SRFBP1: variants seen among roughly 807,000 people sequenced by gnomAD.
SRFBP1 encodes the protein serum response factor binding protein 1.
Under a neutral mutation model 45.5 loss-of-function variants are expected in SRFBP1, and 47 were observed. That is an observed-to-expected ratio of 1.03 (90% CI 0.82 to 1.32). SRFBP1 has a LOEUF of 1.32. Ranked by LOEUF, SRFBP1 falls within the 40% of genes most tolerant of loss-of-function variation. SRFBP1 has a pLI of 0.00. For synonymous variants in SRFBP1, 203 were observed against 166.3 expected, an observed-to-expected ratio of 1.22 and a Z score of -1.70; for missense variants, 621 against 484.6, an observed-to-expected ratio of 1.28 and a Z score of -2.64.
intron 3 of SRFBP1, among the ~76,000 whole-genome samples, chr5:121,986,214 ATTAAC>A (rs1412794796): frequency 1.3e-5 from 2 of 151,990 alleles, no homozygotes; most frequent in East Asian, 3.9e-4. Context: ...GAAAGGAAGA[ATTAAC>A]TTAACAAAAA....
intron 3 of SRFBP1, among the ~76,000 whole-genome samples, chr5:121,977,805 G>C (rs1752333320): frequency 6.6e-6 from 1 of 152,012 alleles, no homozygotes; most frequent in Admixed American, 6.6e-5. Flanking sequence ...AGAAATGAGA[G>C]TTTGCTTTTT....
intron 3 of SRFBP1, among the ~76,000 whole-genome samples, chr5:121,975,623 G>A (rs1012238889): frequency 1.3e-5 from 2 of 151,940 alleles, no homozygotes; most frequent in African/African-American, 4.8e-5. Context: ...TCAAAATTGT[G>A]CCAAACTAAA....
downstream of SRFBP1, chr5:122,077,031 G>A: frequency 1.2e-6 from 2 of 1,609,542 alleles, no homozygotes; most frequent in African/African-American, 1.3e-5. This position sits in a 1 kb window ranked among gnomAD's most constrained non-coding sequence, Gnocchi z 4.9. Context: ...GGGCGCAGCA[G>A]TGAAACAACC....
chr5:122,051,143 A>G (rs1271819060), intron 2 of SRFBP1, among the ~76,000 whole-genome samples: 1 of 151,916 alleles, frequency 6.6e-6, no homozygotes, highest in Non-Finnish European at 1.5e-5. Flanking sequence ...AGTCTTTTTT[A>G]ATTTGCTGAG....
At chr5:122,031,636 T>G (rs75992041), downstream of SRFBP1, among the ~76,000 whole-genome samples, 8,401 of 152,152 alleles carry the variant, frequency 0.055, 277 homozygotes, top group African/African-American at 0.081. Context: ...ATGTCAACCA[T>G]AATTTTCACC....
chr5:121,969,154 C>T (rs904909478), intron 1 of SRFBP1, among the ~76,000 whole-genome samples: 1 of 152,146 alleles, frequency 6.6e-6, no homozygotes, highest in Non-Finnish European at 1.5e-5. Flanking sequence ...AAAGCAAATT[C>T]ATGTTAAACC....
intron 2 of SRFBP1, among the ~76,000 whole-genome samples, chr5:122,042,938 T>C (rs978206520): frequency 6.6e-6 from 1 of 152,140 alleles, no homozygotes; most frequent in Non-Finnish European, 1.5e-5. Context: ...ACCACTCTTA[T>C]CTTGCATGCA....
intron 2 of SRFBP1, chr5:122,073,877 T>A: frequency 2.6e-6 from 2 of 769,850 alleles, no homozygotes; most frequent in Admixed American, 4.6e-5. Flanking sequence ...TCTACAGTTT[T>A]CTTTGAGAAC....
At chr5:122,064,244 A>G (rs780647927) in intron 2 of SRFBP1, 7 of 151,942 alleles carry the variant, frequency 4.6e-5, no homozygotes, top group Non-Finnish European at 1.0e-4. Flanking sequence ...TTATTAATTG[A>G]TAACCTTCAT....
intron 2 of SRFBP1, among the ~76,000 whole-genome samples, chr5:122,036,586 T>C (rs2112725584): frequency 6.6e-6 from 1 of 152,280 alleles, no homozygotes; most frequent in East Asian, 1.9e-4. Flanking sequence ...AGGCTAGAGA[T>C]GGAGTAGCTG....
intron 2 of SRFBP1, chr5:122,063,474 G>A (rs1011065289): frequency 6.6e-6 from 1 of 151,944 alleles, no homozygotes; most frequent in South Asian, 2.1e-4. Flanking sequence ...CACAAGCTAA[G>A]ATTTAATGCA....
At chr5:122,053,813 G>T (rs1754031662) in intron 2 of SRFBP1, among the ~76,000 whole-genome samples, 1 of 152,120 alleles carries the variant, frequency 6.6e-6, no homozygotes. Context: ...TGTCCTCCTG[G>T]CTATCAGTGG....
downstream of SRFBP1, chr5:122,077,875 C>G: frequency 6.5e-7 from 1 of 1,536,314 alleles, no homozygotes; most frequent in Non-Finnish European, 8.7e-7. The surrounding 1 kb of genome is among the most constrained non-coding windows in gnomAD (Gnocchi z 4.9). Context: ...CGCCCGGAGC[C>G]GCCGGCGGCT....
chr5:122,077,571 C>A, downstream of SRFBP1: 1 of 1,612,878 alleles, frequency 6.2e-7, no homozygotes, highest in Non-Finnish European at 8.5e-7. This position sits in a 1 kb window ranked among gnomAD's most constrained non-coding sequence, Gnocchi z 4.9. Flanking sequence ...GCGCGCGAGG[C>A]GCCAGCTTCG....
intron 3 of SRFBP1, among the ~76,000 whole-genome samples, chr5:121,982,053 A>C (rs1752419605): frequency 6.6e-6 from 1 of 151,892 alleles, no homozygotes; most frequent in Non-Finnish European, 1.5e-5. Flanking sequence ...AACTGTTACT[A>C]AGAAGAATCT....
intron 1 of SRFBP1, among the ~76,000 whole-genome samples, chr5:121,967,697 T>C (rs1752101702): frequency 6.6e-6 from 1 of 151,958 alleles, no homozygotes; most frequent in Admixed American, 6.6e-5. Context: ...TAGCCAAACA[T>C]GGTAGTACGT....
Position 122,019,353 on chromosome 5 carries a change from A to T in SRFBP1, c.352+12A>T, listed in dbSNP as rs1437621252. On this transcript the variant is annotated intron_variant, in intron 5 of 7. Coordinates refer to ENST00000339397, the MANE Select transcript of SRFBP1 (RefSeq NM_152546.3). ...AGATGTGCTAAAAGGTATGAATTAA[A>T]TGACTTTTAAGCCATGTACTTAATG... The T allele has an allele frequency of 6.2e-7, 1 of 1,604,268 alleles. No homozygotes were observed. The highest frequency in any genetic ancestry group is 2.2e-5 in the East Asian group (1 of 44,522).
chr5:121,969,134 C>G (rs1424463855), intron 1 of SRFBP1, among the ~76,000 whole-genome samples: 12 of 152,138 alleles, frequency 7.9e-5, no homozygotes, highest in African/African-American at 2.9e-4. Context: ...AAATAGAGCT[C>G]ATTCTCTAAA....
chr5:121,968,828 A>G (rs1170523121), intron 1 of SRFBP1, among the ~76,000 whole-genome samples: 1 of 152,198 alleles, frequency 6.6e-6, no homozygotes, highest in Admixed American at 6.5e-5. Context: ...TACTAATCTG[A>G]TAGGTAATTA....
Sources: allele counts gnomAD v4.1 joint callset (sites outside exome capture counted in the v4.1 genomes callset), GRCh38; gene constraint gnomAD v4.1.1; non-coding constraint Gnocchi (gnomAD v3.1); transcripts MANE v1.5; gene names NCBI Gene and HGNC (gene_info 2026-07-23, HGNC 2026-07-21).